The following SH3RF1 variants were observed in gnomAD, a reference collection of about 807,000 sequenced individuals.
The protein encoded by SH3RF1 is SH3 domain containing ring finger 1.
A neutral mutation model predicts 74.0 loss-of-function variants in SH3RF1; 32 were observed. The observed-to-expected ratio is 0.43, with a 90% CI of 0.33 to 0.58. SH3RF1 has a LOEUF of 0.58. SH3RF1 is among the 20% of genes least tolerant of loss of function. The pLI, the probability that SH3RF1 is intolerant of heterozygous loss-of-function variation, is 0.05. For synonymous variants in SH3RF1, 396 were observed against 439.6 expected, an observed-to-expected ratio of 0.90 and a Z score of 1.24; for missense variants, 954 against 1,130.9, an observed-to-expected ratio of 0.84 and a Z score of 2.24.
intron 2 of SH3RF1, among the ~76,000 whole-genome samples, chr4:169,202,988 T>G (rs1421914740): frequency 6.6e-6 from 1 of 152,182 alleles, no homozygotes; most frequent in East Asian, 1.9e-4. Flanking sequence ...GAACACTATT[T>G]GGGATAGACA....
At chr4:169,134,541 C>T (rs1733665813) in intron 5 of SH3RF1, among the ~76,000 whole-genome samples, 1 of 152,188 alleles carries the variant, frequency 6.6e-6, no homozygotes, top group Non-Finnish European at 1.5e-5. Context: ...GCAAATGTTG[C>T]TAGGTCCCAA....
Position 169,096,573 on chromosome 4 carries a change from T to C in SH3RF1, c.2613A>G (p.Leu871=), listed in dbSNP as rs374538806. The change falls in exon 12 of 12, where the codon TTA becomes TTG. Residue 871 remains leucine (L), a synonymous_variant. Transcript: ENST00000284637. ...AAAGGCCAGTTTTCCCATTACGTTG[T>C]AATGTGCCTTTGAACCAGCCATCCT... ...KREDGWFKGT[L]QRNGKTGLFP... is the part of the protein sequence containing the mutation. 55 of 1,614,216 alleles carry C rather than the reference T, an allele frequency of 3.4e-5. 1 individual carries two copies. Among genetic ancestry groups the C allele is most frequent in the Non-Finnish European group, 4.6e-5 (54 of 1,180,036 alleles).
At chr4:169,266,902 A>G (rs1163377631) in intron 2 of SH3RF1, among the ~76,000 whole-genome samples, 2 of 152,232 alleles carry the variant, frequency 1.3e-5, no homozygotes, top group Non-Finnish European at 2.9e-5. Context: ...CCCCCAGCAA[A>G]GTAACAGACA....
chr4:169,107,859 C>T (rs995637940), intron 10 of SH3RF1, among the ~76,000 whole-genome samples: 4 of 152,194 alleles, frequency 2.6e-5, no homozygotes, highest in African/African-American at 4.8e-5. Flanking sequence ...TTGCAAGTAC[C>T]TCCTTGATTA....
At chr4:169,239,290 A>G (rs1429065615) in intron 2 of SH3RF1, among the ~76,000 whole-genome samples, 1 of 152,206 alleles carries the variant, frequency 6.6e-6, no homozygotes, top group Non-Finnish European at 1.5e-5. Context: ...CTATTAAAAC[A>G]TGAAAGAAAC....
In SH3RF1 at chr4:169,116,304, T is replaced by C; in HGVS notation, c.2104A>G (p.Asn702Asp). Reference protein sequence around the residue: ...SPDSASSACGNSSATKPDKDS... With the variant: ...SPDSASSACGDSSATKPDKDS... ...TTGTCTGGTTTGGTTGCTGAACTGT[T>C]CCCACAAGCTGATGAAGCACTGTCA... Residue 702 changes from asparagine (N) to aspartate (D), a missense_variant, in exon 10 of 12, where the codon AAC (asparagine) becomes GAC (aspartate). Asn to Asp is a conservative substitution (Grantham distance 23, BLOSUM62 1). Coordinates refer to ENST00000284637, the MANE Select transcript of SH3RF1 (RefSeq NM_020870.4). 6.2e-7 allele frequency: 1 copy of C among 1,613,500 alleles called. No homozygotes were observed. Among genetic ancestry groups the C allele is most frequent in the Non-Finnish European group, 8.5e-7 (1 of 1,179,706 alleles).
intron 2 of SH3RF1, chr4:169,166,704 G>C: frequency 4.8e-6 from 1 of 210,500 alleles, no homozygotes; most frequent in Non-Finnish European, 9.7e-6. Context: ...CATCACCCCA[G>C]GGACCATTCT....
chr4:169,259,655 T>C (rs1318893737), intron 2 of SH3RF1, among the ~76,000 whole-genome samples: 2 of 152,170 alleles, frequency 1.3e-5, no homozygotes, highest in Admixed American at 6.5e-5. Flanking sequence ...CTCTTTATAA[T>C]AAAAGCTTTG....
At position 169,226,237 on chromosome 4, in the gene SH3RF1, C is replaced by T. The variant is rs1315613332; in HGVS notation, c.393+42583G>A. Among the ~76,000 whole-genome samples the T allele has an allele frequency of 2.6e-5, 4 of 152,140 alleles. No homozygotes were observed. In the East Asian group the frequency reaches 5.8e-4, roughly 22 times the overall value. On this transcript the variant is annotated intron_variant, in intron 2 of 11. Transcript: ENST00000284637. ...AGAACCCCCCAGACAATGCAAATCA[C>T]GCTATAGATAAAAGAGTATATTTTG... is the stretch of plus-strand genomic sequence containing the variant.
Position 169,202,130 on chromosome 4 carries a change from C to T in SH3RF1, c.394-45451G>A, listed in dbSNP as rs1734919301. Reference sequence around the variant, plus strand: ...CCCCCAAATTTACAGTTATCTCTGACCTCAGGATATAGATACTGAGTTGCA... The same window carrying T: ...CCCCCAAATTTACAGTTATCTCTGATCTCAGGATATAGATACTGAGTTGCA... On this transcript the variant is annotated intron_variant, in intron 2 of 11. Transcript: ENST00000284637. Among the ~76,000 whole-genome samples, 5 of 152,056 alleles carry T rather than the reference C, an allele frequency of 3.3e-5. No individual in the cohort carries two copies. The South Asian group carries it at 8.3e-4, about 25-fold the overall frequency.
intron 2 of SH3RF1, among the ~76,000 whole-genome samples, chr4:169,224,641 G>T (rs1730627400): frequency 6.6e-6 from 1 of 152,192 alleles, no homozygotes; most frequent in South Asian, 2.1e-4. Context: ...TTTAAAAAAT[G>T]TCTCTGTCTA....
chr4:169,151,863 A>C (rs1733981925), intron 4 of SH3RF1, among the ~76,000 whole-genome samples: 1 of 152,226 alleles, frequency 6.6e-6, no homozygotes, highest in Non-Finnish European at 1.5e-5. Flanking sequence ...CCTACAATAC[A>C]CAATTATGTT....
At chr4:169,171,393 C>T (rs1288349040) in intron 2 of SH3RF1, among the ~76,000 whole-genome samples, 2 of 152,150 alleles carry the variant, frequency 1.3e-5, no homozygotes, top group Non-Finnish European at 2.9e-5. Context: ...AGAACAGTCT[C>T]ATTAAGTGCT....
chr4:169,157,976 T>C (rs1734087962), intron 2 of SH3RF1, among the ~76,000 whole-genome samples: 1 of 152,162 alleles, frequency 6.6e-6, no homozygotes, highest in Non-Finnish European at 1.5e-5. Context: ...TGACCTCAAA[T>C]GATCCACCCA....
At chr4:169,259,460 TATGTCACC>T (rs1731240682) in intron 2 of SH3RF1, among the ~76,000 whole-genome samples, 1 of 152,144 alleles carries the variant, frequency 6.6e-6, no homozygotes, top group Admixed American at 6.5e-5. Flanking sequence ...CAGCCACCCA[TATGTCACC>T]ATTCATGAAG....
intron 6 of SH3RF1, 49 bp downstream of exon 6, chr4:169,129,997 A>G: frequency 6.7e-7 from 1 of 1,486,290 alleles, no homozygotes; most frequent in Non-Finnish European, 9.3e-7. Context: ...CCAGATTAAC[A>G]TGACTAAAGA....
chr4:169,204,553 T>TC (rs1730205952), intron 2 of SH3RF1, among the ~76,000 whole-genome samples: 1 of 146,030 alleles, frequency 6.8e-6, no homozygotes, highest in African/African-American at 2.5e-5. Flanking sequence ...ACCTTCTCTT[T>TC]TTTTTTTTTT....
chr4:169,254,561 A>G (rs1405456179), intron 2 of SH3RF1, among the ~76,000 whole-genome samples: 1 of 152,226 alleles, frequency 6.6e-6, no homozygotes. Context: ...TTTAATCCGG[A>G]GGGTAGTAAA....
intron 4 of SH3RF1, among the ~76,000 whole-genome samples, chr4:169,146,712 C>T (rs1220962240): frequency 6.6e-6 from 1 of 151,982 alleles, no homozygotes; most frequent in Non-Finnish European, 1.5e-5. Flanking sequence ...GTAAGCGATT[C>T]TCTTGAGAAG....
Sources: gnomAD v4.1 joint callset for allele counts (sites outside exome capture counted in the v4.1 genomes callset) on GRCh38, gnomAD v4.1.1 for gene constraint, MANE v1.5 for transcripts, NCBI Gene and HGNC (gene_info 2026-07-23, HGNC 2026-07-21) for gene names.